The following SEMA3C variants were observed in gnomAD, a reference collection of about 807,000 sequenced individuals.
SEMA3C encodes semaphorin-3C.
Under a neutral mutation model 89.4 loss-of-function variants are expected in SEMA3C, and 47 were observed. The observed-to-expected ratio is 0.53, with a 90% confidence interval of 0.42 to 0.67. The LOEUF (loss-of-function observed/expected upper bound fraction) is 0.67. Among genes scored for constraint, SEMA3C ranks in the 30% least tolerant of loss-of-function variants. The pLI, the probability that SEMA3C is intolerant of heterozygous loss-of-function variation, is 0.00. For synonymous variants in SEMA3C, 310 were observed against 320.2 expected (o/e 0.97, Z 0.34); for missense variants, 839 against 929.1 (o/e 0.90, Z 1.26).
At chr7:80,781,815 G>A (rs929652744) in intron 12 of SEMA3C, among the ~76,000 whole-genome samples, 1 of 152,146 alleles carries the variant, frequency 6.6e-6, no homozygotes, top group African/African-American at 2.4e-5. Flanking sequence ...GCAACACTCA[G>A]GGATGTGGTC....
chr7:80,892,267 G>C (rs1791633264), intron 2 of SEMA3C, among the ~76,000 whole-genome samples: 1 of 152,048 alleles, frequency 6.6e-6, no homozygotes, highest in Admixed American at 6.6e-5. Flanking sequence ...ATAATTAAAA[G>C]TTAAATGCAC....
At chr7:80,897,040 C>T (rs1041775946) in intron 2 of SEMA3C, among the ~76,000 whole-genome samples, 2 of 152,152 alleles carry the variant, frequency 1.3e-5, no homozygotes, top group African/African-American at 2.4e-5. Context: ...GAGCATGGGG[C>T]TGTGGGATGG....
intron 2 of SEMA3C, among the ~76,000 whole-genome samples, chr7:80,837,852 A>G (rs1187968209): frequency 6.6e-6 from 1 of 152,138 alleles, no homozygotes; most frequent in African/African-American, 2.4e-5. Flanking sequence ...CTGGAAGGTC[A>G]TCTGAAATGG....
rs368863119 is a variant in SEMA3C at position 80,849,495 on chromosome 7, T to C, written c.104-20750A>G. On this transcript the variant is annotated intron_variant, in intron 2 of 17. Coordinates refer to ENST00000265361, the MANE Select transcript of SEMA3C (RefSeq NM_006379.5). ...ACAAATGTATATGCATAAAAATACA[T>C]GTTCTTAAAGACGGGCATTAATGAA... 1.1e-3 allele frequency among the ~76,000 whole-genome samples: 170 copies of C among 152,280 alleles called. 2 individuals are homozygous for C. In the South Asian group the frequency reaches 0.031, roughly 27 times the overall value.
intron 2 of SEMA3C, among the ~76,000 whole-genome samples, chr7:80,889,717 G>A (rs903954873): frequency 1.3e-5 from 2 of 151,876 alleles, no homozygotes; most frequent in African/African-American, 4.8e-5. Context: ...AATAAATGAT[G>A]ACACATCATA....
In SEMA3C at chr7:80,798,129, G is replaced by A; in HGVS notation, c.1094C>T (p.Ser365Phe). The change falls in exon 11 of 18, where the codon TCC becomes TTC. Residue 365 changes from serine (S) to phenylalanine (F), a missense_variant. Ser to Phe is a radical substitution (Grantham distance 155, BLOSUM62 -2). Coordinates refer to ENST00000265361, the MANE Select transcript of SEMA3C (RefSeq NM_006379.5). Reference sequence around the variant, plus strand: ...AGGATATGGAATTCTGCCCTGATAGGAAATCAGCTGATGATTGGGCCCTTC... The same window carrying A: ...AGGATATGGAATTCTGCCCTGATAGAAAATCAGCTGATGATTGGGCCCTTC... ...HKEGPNHQLI[S>F]YQGRIPYPRP... The A allele has an allele frequency of 6.2e-7, 1 of 1,607,504 alleles. No individual in the cohort carries two copies. The highest frequency in any genetic ancestry group is 8.5e-7 in the Non-Finnish European group (1 of 1,177,398).
chr7:80,812,729 C>A (rs532679601), intron 5 of SEMA3C, among the ~76,000 whole-genome samples: 1 of 151,996 alleles, frequency 6.6e-6, no homozygotes, highest in African/African-American at 2.4e-5. Flanking sequence ...CTCTGTTTCT[C>A]CCCAGTTCGT....
rs1789283535 is a variant in SEMA3C, at chr7:80,804,208, A to G, written c.699T>C (p.Thr233=). Residue 233 remains threonine (T), a synonymous_variant, in exon 8 of 18, where the codon ACT becomes ACC. Transcript: ENST00000265361. ...FVDAHVIPDG[T]DPNDAKVYFF... is the part of the protein sequence containing the mutation. ...AGTACACCTTAGCATCATTTGGATC[A>G]GTACCATCTGGGATGACATGTGCAT... is the stretch of plus-strand genomic sequence containing the variant. The G allele has an allele frequency of 6.2e-7, 1 of 1,611,332 alleles. No individual in the cohort carries two copies. The highest frequency in any genetic ancestry group is 8.5e-7 in the Non-Finnish European group (1 of 1,178,542).
intron 2 of SEMA3C, among the ~76,000 whole-genome samples, chr7:80,906,680 G>C (rs191091491): frequency 2.6e-5 from 4 of 152,312 alleles, no homozygotes; most frequent in Non-Finnish European, 5.9e-5. Flanking sequence ...TACATTATCA[G>C]AAGAGTAGAA....
At chr7:80,760,613 A>C (rs1788162465) in intron 14 of SEMA3C, among the ~76,000 whole-genome samples, 1 of 152,218 alleles carries the variant, frequency 6.6e-6, no homozygotes, top group South Asian at 2.1e-4. Flanking sequence ...CATCTGTAAC[A>C]AACCAAATAT....
At chr7:80,847,230 G>C (rs553528286) in intron 2 of SEMA3C, 1 of 152,264 alleles carries the variant, frequency 6.6e-6, no homozygotes, top group Admixed American at 6.5e-5. Context: ...AGCATTTAGT[G>C]CTGCCATATT....
chr7:80,913,534 T>C (rs1157617959), intron 2 of SEMA3C, among the ~76,000 whole-genome samples: 1 of 152,224 alleles, frequency 6.6e-6, no homozygotes, highest in African/African-American at 2.4e-5. Context: ...AAATGTAAAT[T>C]CAGCCATGGG....
intron 2 of SEMA3C, among the ~76,000 whole-genome samples, chr7:80,834,405 A>G (rs962867133): frequency 6.6e-6 from 1 of 152,200 alleles, no homozygotes; most frequent in East Asian, 1.9e-4. Context: ...CCAAAGCTGG[A>G]AGAACAATAG....
At chr7:80,852,507 C>A (rs986536146) in intron 2 of SEMA3C, among the ~76,000 whole-genome samples, 1 of 151,886 alleles carries the variant, frequency 6.6e-6, no homozygotes, top group Non-Finnish European at 1.5e-5. Flanking sequence ...AGTTTCTGCA[C>A]GCAAAGGAAA....
intron 2 of SEMA3C, among the ~76,000 whole-genome samples, chr7:80,889,166 T>C (rs1318080641): frequency 2.6e-5 from 4 of 152,242 alleles, no homozygotes. Flanking sequence ...CTCGGCCATG[T>C]TTTGAATTTT....
chr7:80,902,988 T>C (rs1483965126), intron 2 of SEMA3C, among the ~76,000 whole-genome samples: 1 of 152,204 alleles, frequency 6.6e-6, no homozygotes, highest in Non-Finnish European at 1.5e-5. Context: ...CTTATGATCC[T>C]GGAACTGAGA....
chr7:80,807,321 A>T (rs1168199285), intron 6 of SEMA3C, among the ~76,000 whole-genome samples: 1 of 152,200 alleles, frequency 6.6e-6, no homozygotes, highest in Non-Finnish European at 1.5e-5. Context: ...AAGTTAGTGT[A>T]TGGCAGAGAG....
At chr7:80,770,966 G>A (rs557410109) in intron 12 of SEMA3C, among the ~76,000 whole-genome samples, 35 of 152,326 alleles carry the variant, frequency 2.3e-4, no homozygotes, top group Non-Finnish European at 1.9e-4. Flanking sequence ...GTAAGTTCCT[G>A]ACCACATCAT....
chr7:80,860,750 C>A (rs771164713), intron 2 of SEMA3C, among the ~76,000 whole-genome samples: 1 of 152,072 alleles, frequency 6.6e-6, no homozygotes, highest in African/African-American at 2.4e-5. Context: ...GCATGAACAG[C>A]GAAGACGAGG....
Sources: gnomAD v4.1 joint callset for allele counts (sites outside exome capture counted in the v4.1 genomes callset) on GRCh38, gnomAD v4.1.1 for gene constraint, MANE v1.5 for transcripts, NCBI Gene and HGNC (gene_info 2026-07-23, HGNC 2026-07-21) for gene names.